TXLNG: variants seen among roughly 807,000 people sequenced by gnomAD.
TXLNG encodes taxilin gamma, also known as gamma-taxilin.
TXLNG carries 5 observed loss-of-function variants against 38.8 expected under a neutral mutation model. The observed-to-expected ratio is 0.13, with a 90% CI of 0.07 to 0.27. The LOEUF is 0.27. TXLNG is among the 10% of genes least tolerant of loss of function. TXLNG has a pLI of 1.00. For missense variants in TXLNG, 393 were observed against 398.2 expected, an observed-to-expected ratio of 0.99 and a Z score of 0.11; for synonymous variants, 182 against 158.2, an observed-to-expected ratio of 1.15 and a Z score of -1.13.
rs964162103 is a variant in TXLNG at position 16,795,486 on chromosome X, G to A, written c.102+8897G>A. Among the ~76,000 whole-genome samples the A allele has an allele frequency of 1.1e-4, 12 of 111,692 alleles. No homozygotes were observed. In the East Asian group the frequency reaches 2.5e-3, roughly 24 times the overall value. The stretch of plus-strand genomic sequence containing the variant: ...GCTGTGTCCAAAGTAGACCTTTCCC[G>A]GATCCTTTTACTCATTCTTGGTTTC... On this transcript the variant is annotated intron_variant, in intron 1 of 9. Transcript: ENST00000380122.
chrX:16,824,827 G>GT (rs1929112173), intron 3 of TXLNG, among the ~76,000 whole-genome samples: 1 of 109,862 alleles, frequency 9.1e-6, no homozygotes, highest in Non-Finnish European at 1.9e-5. Context: ...TCAGGAGGTT[G>GT]AGGCAGGAGA....
At chrX:16,825,809 G>A (rs1929145610) in intron 3 of TXLNG, among the ~76,000 whole-genome samples, 1 of 111,841 alleles carries the variant, frequency 8.9e-6, no homozygotes. Flanking sequence ...GACCATATGT[G>A]GCCTGCAGTG....
At chrX:16,788,068 C>G (rs757813330) in intron 1 of TXLNG, among the ~76,000 whole-genome samples, 18 of 112,142 alleles carry the variant, frequency 1.6e-4, no homozygotes, top group Non-Finnish European at 2.6e-4. Context: ...AGCTGTGGAC[C>G]AATGTCCTGT....
intron 1 of TXLNG, among the ~76,000 whole-genome samples, 185 bp downstream of exon 1, chrX:16,786,774 T>G (rs1418349258): frequency 7.4e-3 from 167 of 22,650 alleles, no homozygotes; most frequent in South Asian, 9.7e-3. Context: ...ATGGATGGGG[T>G]GGGAAGGGAC....
chrX:16,787,246 C>T (rs1927526109), intron 1 of TXLNG, among the ~76,000 whole-genome samples: 1 of 111,623 alleles, frequency 9.0e-6, no homozygotes, highest in South Asian at 3.7e-4. Flanking sequence ...CCCCGGGGCT[C>T]CGAGGGCTTG....
intron 1 of TXLNG, among the ~76,000 whole-genome samples, chrX:16,799,758 G>A (rs1057482141): frequency 2.7e-5 from 3 of 110,684 alleles, no homozygotes; most frequent in Non-Finnish European, 3.8e-5. Context: ...GTGACAGAGC[G>A]AGACTCTGTC....
intron 1 of TXLNG, among the ~76,000 whole-genome samples, chrX:16,789,243 A>G (rs1168614247): frequency 9.0e-6 from 1 of 111,026 alleles, no homozygotes; most frequent in African/African-American, 3.3e-5. Context: ...TGCTTTAACC[A>G]TCTGCCTAGT....
chrX:16,835,707 C>T (rs1208013263), intron 7 of TXLNG, among the ~76,000 whole-genome samples: 1 of 112,202 alleles, frequency 8.9e-6, no homozygotes, highest in East Asian at 2.8e-4. Context: ...TATCCAGTCA[C>T]TATTTGTTTC....
At chrX:16,839,997 G>A (rs1049843995) in intron 9 of TXLNG, 81 bp downstream of exon 9, 7 of 757,414 alleles carry the variant, frequency 9.2e-6, no homozygotes, top group South Asian at 3.3e-5. Flanking sequence ...GGCCGGGGAC[G>A]TGTGCTGTAA....
intron 5 of TXLNG, among the ~76,000 whole-genome samples, chrX:16,830,830 C>CGTGTGTGT (rs1186714021): frequency 0.028 from 1,047 of 37,919 alleles, 116 homozygotes; most frequent in East Asian, 0.069. Context: ...ACCGTAATTC[C>CGTGTGTGT]GTGTGTGTGT....
chrX:16,786,720 G>A, intron 1 of TXLNG, 131 bp downstream of exon 1: 1 of 378,599 alleles, frequency 2.6e-6, no homozygotes, highest in Non-Finnish European at 4.2e-6. Context: ...CTTCCCTCCC[G>A]GGGGTGACGA....
chrX:16,806,665 C>G (rs1928337719), intron 1 of TXLNG, among the ~76,000 whole-genome samples: 1 of 110,117 alleles, frequency 9.1e-6, no homozygotes, highest in African/African-American at 3.3e-5. Context: ...TGCCTGTAAT[C>G]CCAGCACTTT....
chrX:16,829,921 C>A, intron 5 of TXLNG, 151 bp downstream of exon 5: 1 of 508,070 alleles, frequency 2.0e-6, no homozygotes, highest in Non-Finnish European at 3.2e-6. Flanking sequence ...TCAGGCACCA[C>A]AAATGAGATC....
intron 1 of TXLNG, among the ~76,000 whole-genome samples, chrX:16,797,174 C>T (rs756929311): frequency 4.6e-5 from 5 of 108,671 alleles, no homozygotes; most frequent in Non-Finnish European, 9.5e-5. Context: ...ATCCCAGCTA[C>T]TTGGGAGGCT....
At chrX:16,820,099 A>G in intron 2 of TXLNG, 65 bp from the exon 3 acceptor site, 2 of 858,462 alleles carry the variant, frequency 2.3e-6, no homozygotes, top group Non-Finnish European at 3.3e-6. Flanking sequence ...AATTGTTAGT[A>G]GAATTTACAG....
intron 3 of TXLNG, among the ~76,000 whole-genome samples, chrX:16,820,959 T>C (rs1156295755): frequency 2.8e-5 from 3 of 106,061 alleles, no homozygotes; most frequent in Non-Finnish European, 5.8e-5. Flanking sequence ...TTAGTAGAGA[T>C]GGGGTTTCAC....
At chrX:16,820,670 T>A (rs1928904832) in intron 3 of TXLNG, among the ~76,000 whole-genome samples, 1 of 112,856 alleles carries the variant, frequency 8.9e-6, no homozygotes, top group Non-Finnish European at 1.9e-5. Context: ...CAATACTTTG[T>A]CTCAGAAATA....
chrX:16,787,894 C>T (rs952621024), intron 1 of TXLNG, among the ~76,000 whole-genome samples: 2 of 112,506 alleles, frequency 1.8e-5, no homozygotes, highest in Non-Finnish European at 3.8e-5. Context: ...CAGTTTACGT[C>T]TGAGCAGAGT....
At chrX:16,830,829 CCGTGTG>C (rs1929369686) in intron 5 of TXLNG, among the ~76,000 whole-genome samples, 1 of 29,116 alleles carries the variant, frequency 3.4e-5, no homozygotes, top group Non-Finnish European at 5.2e-5. Context: ...AACCGTAATT[CCGTGTG>C]TGTGTGTGTG....
Sources: gnomAD v4.1 joint callset for allele counts (sites outside exome capture counted in the v4.1 genomes callset) on GRCh38, gnomAD v4.1.1 for gene constraint, MANE v1.5 for transcripts, NCBI Gene and HGNC (gene_info 2026-07-23, HGNC 2026-07-21) for gene names.